The following PAM variants were observed in gnomAD, a reference collection of about 807,000 sequenced individuals.
The protein encoded by PAM is peptidylglycine alpha-amidating monooxygenase, also known as peptidyl-glycine alpha-amidating monooxygenase.
A neutral mutation model predicts 122.1 loss-of-function variants in PAM; 72 were observed. The observed-to-expected ratio is 0.59, with a 90% CI of 0.49 to 0.72. PAM has a LOEUF of 0.72. Ranked by LOEUF, PAM falls within the 30% of genes least tolerant of loss-of-function variation. PAM has a pLI of 0.00. For missense variants in PAM, 1,106 were observed against 1,183.7 expected (o/e 0.93, Z 0.96); for synonymous variants, 389 against 404.4 (o/e 0.96, Z 0.46).
intron 3 of PAM, among the ~76,000 whole-genome samples, chr5:102,877,328 A>G (rs1048643135): frequency 2.8e-4 from 42 of 152,274 alleles, no homozygotes; most frequent in African/African-American, 9.4e-4. Context: ...TAAATACATT[A>G]GAATACTTGA....
rs567889919 is a variant in PAM, at chr5:102,885,956, T to C, written c.211-15400T>C. On this transcript the variant is annotated intron_variant, in intron 3 of 25. Transcript: ENST00000438793. ...AGCACTGTTTTAATGTTTTCAAGTC[T>C]ACTGTTGTTTGAAGACTGCAGGTTC... Among the ~76,000 whole-genome samples the C allele has an allele frequency of 2.0e-4, 30 of 152,186 alleles. No homozygotes were observed. The Middle Eastern group carries it at 0.01, about 52-fold the overall frequency.
chr5:102,777,000 TTTA>T (rs1254561655), intron 1 of PAM, among the ~76,000 whole-genome samples: 1 of 152,132 alleles, frequency 6.6e-6, no homozygotes, highest in African/African-American at 2.4e-5. Flanking sequence ...AGAAAAGTTT[TTTA>T]TTCTAATTGT....
chr5:102,955,222 C>G (rs1760332234), intron 12 of PAM, among the ~76,000 whole-genome samples: 1 of 151,968 alleles, frequency 6.6e-6, no homozygotes, highest in Non-Finnish European at 1.5e-5. Flanking sequence ...TTAAGTCATA[C>G]ATTTCAGATT....
chr5:102,895,575 G>A (rs1162213088), intron 3 of PAM, among the ~76,000 whole-genome samples: 1 of 151,564 alleles, frequency 6.6e-6, no homozygotes, highest in Non-Finnish European at 1.5e-5. Flanking sequence ...GGCCTGGGGG[G>A]AAAAAAACAC....
chr5:102,791,623 T>G (rs972358735), intron 1 of PAM, among the ~76,000 whole-genome samples: 1 of 152,146 alleles, frequency 6.6e-6, no homozygotes, highest in African/African-American at 2.4e-5. Flanking sequence ...TTTCAACATT[T>G]TGCCAAGTGT....
intron 1 of PAM, among the ~76,000 whole-genome samples, chr5:102,821,422 G>T (rs940044095): frequency 3.9e-5 from 6 of 152,104 alleles, no homozygotes; most frequent in African/African-American, 7.2e-5. Flanking sequence ...TCTAACTGGC[G>T]CTGTCTTCCT....
chr5:102,757,479 C>T (rs1221320903), intron 1 of PAM, among the ~76,000 whole-genome samples: 2 of 152,134 alleles, frequency 1.3e-5, no homozygotes, highest in African/African-American at 4.8e-5. Flanking sequence ...AAAATGAATT[C>T]TGTGTTTTTA....
intron 17 of PAM, among the ~76,000 whole-genome samples, chr5:103,004,233 G>A (rs1294067964): frequency 6.6e-6 from 1 of 152,272 alleles, no homozygotes; most frequent in Non-Finnish European, 1.5e-5. Flanking sequence ...TTTCATTGGT[G>A]CTCTATTTAT....
chr5:102,993,868 T>G (rs1774894115), intron 16 of PAM, among the ~76,000 whole-genome samples: 1 of 152,120 alleles, frequency 6.6e-6, no homozygotes, highest in Non-Finnish European at 1.5e-5. Context: ...ATAGCATTCC[T>G]TCGTCTGACC....
chr5:102,943,464 T>G (rs890109282), intron 7 of PAM, among the ~76,000 whole-genome samples: 6 of 152,300 alleles, frequency 3.9e-5, no homozygotes, highest in African/African-American at 1.2e-4. Flanking sequence ...GTACCACTGG[T>G]TACTTACCCA....
At chr5:103,013,656 C>A (rs924946077) in intron 21 of PAM, among the ~76,000 whole-genome samples, 13 of 152,166 alleles carry the variant, frequency 8.5e-5, no homozygotes, top group Non-Finnish European at 1.9e-4. Context: ...TAGTCTAATA[C>A]TGACAGCTAG....
At chr5:102,967,787 C>G (rs540973617) in intron 14 of PAM, among the ~76,000 whole-genome samples, 127 of 148,118 alleles carry the variant, frequency 8.6e-4, no homozygotes, top group Non-Finnish European at 8.1e-4. Flanking sequence ...ACTATCTCAG[C>G]TCACAGCTCA....
intron 3 of PAM, among the ~76,000 whole-genome samples, chr5:102,885,878 C>T (rs774405306): frequency 2.9e-4 from 44 of 152,018 alleles, no homozygotes; most frequent in Non-Finnish European, 5.4e-4. Flanking sequence ...TAAGGTGTTT[C>T]ATACAGTTAC....
intron 7 of PAM, among the ~76,000 whole-genome samples, chr5:102,942,047 A>G (rs1044646232): frequency 1.3e-5 from 2 of 152,150 alleles, no homozygotes; most frequent in African/African-American, 4.8e-5. Context: ...ATATAACAGC[A>G]CAGCCCAACT....
Position 103,025,170 on chromosome 5 carries a change from C to T in PAM, c.2525C>T (p.Pro842Leu). 1 of 1,613,642 alleles carries T rather than the reference C, an allele frequency of 6.2e-7. No individual in the cohort carries two copies. Among genetic ancestry groups the T allele is most frequent in the Non-Finnish European group, 8.5e-7 (1 of 1,179,684 alleles). ...GTTGAAACCAAAATGGAGAACAAAC[C>T]CACCTCCTCAGAATTGCAGAAGATG... ...AVVETKMENK[P>L]TSSELQKMQE... Residue 842 changes from proline to leucine, a missense_variant, in exon 24 of 26, where the codon CCC (proline) becomes CTC (leucine). Pro to Leu is a moderately conservative substitution (Grantham distance 98). Transcript: ENST00000438793.
chr5:102,824,959 T>C (rs1300896754), intron 1 of PAM, among the ~76,000 whole-genome samples: 1 of 152,166 alleles, frequency 6.6e-6, no homozygotes, highest in African/African-American at 2.4e-5. Context: ...GGTCAGGAAG[T>C]GGGAAATAAC....
intron 24 of PAM, among the ~76,000 whole-genome samples, chr5:103,025,802 C>T (rs922168384): frequency 1.3e-5 from 2 of 151,994 alleles, no homozygotes; most frequent in African/African-American, 2.4e-5. Context: ...GACCAGTTTT[C>T]TCATAAAAAA....
chr5:102,854,989 T>C (rs1782251633), intron 1 of PAM, among the ~76,000 whole-genome samples: 1 of 152,244 alleles, frequency 6.6e-6, no homozygotes, highest in Non-Finnish European at 1.5e-5. Flanking sequence ...GTGAATTGCA[T>C]ATTTAAAAAT....
At chr5:102,896,484 T>C (rs1796254232) in intron 3 of PAM, among the ~76,000 whole-genome samples, 1 of 151,676 alleles carries the variant, frequency 6.6e-6, no homozygotes, top group African/African-American at 2.4e-5. Flanking sequence ...CAACAACTAT[T>C]TCTAGAGCTC....
Sources: gnomAD v4.1 joint callset for allele counts (sites outside exome capture counted in the v4.1 genomes callset) on GRCh38, gnomAD v4.1.1 for gene constraint, MANE v1.5 for transcripts, NCBI Gene and HGNC (gene_info 2026-07-23, HGNC 2026-07-21) for gene names.